Variants in KCNH7 observed in about 807,000 individuals in gnomAD.
KCNH7 encodes voltage-gated inwardly rectifying potassium channel KCNH7.
KCNH7 carries 49 observed loss-of-function variants against 120.8 expected under a neutral mutation model. That is an observed-to-expected ratio of 0.41 (90% confidence interval 0.32 to 0.51). The LOEUF is 0.51. KCNH7 is among the 20% of genes least tolerant of loss of function. The pLI, the probability that KCNH7 is intolerant of heterozygous loss-of-function variation, is 0.38. For missense variants in KCNH7, 1,097 were observed against 1,446.6 expected (o/e 0.76, Z 3.92); for synonymous variants, 547 against 516.1 (o/e 1.06, Z -0.81).
intron 9 of KCNH7, among the ~76,000 whole-genome samples, chr2:162,417,688 C>A (rs1351364020): frequency 6.6e-6 from 1 of 152,120 alleles, no homozygotes; most frequent in Non-Finnish European, 1.5e-5. Flanking sequence ...TCAGATCCTA[C>A]CACTGAAGAA....
At chr2:162,544,535 G>T (rs1040151356) in intron 2 of KCNH7, among the ~76,000 whole-genome samples, 1 of 152,068 alleles carries the variant, frequency 6.6e-6, no homozygotes, top group Non-Finnish European at 1.5e-5. Flanking sequence ...GGGACACTTT[G>T]TGCCCTTTCT....
chr2:162,650,892 G>A (rs1287429244), intron 2 of KCNH7, among the ~76,000 whole-genome samples: 4 of 152,172 alleles, frequency 2.6e-5, no homozygotes, highest in Non-Finnish European at 5.9e-5. Context: ...GGCTCTGTCA[G>A]CAGGTAGGTA....
At chr2:162,737,298 A>G (rs1287901470) in intron 2 of KCNH7, among the ~76,000 whole-genome samples, 1 of 152,004 alleles carries the variant, frequency 6.6e-6, no homozygotes, top group African/African-American at 2.4e-5. Context: ...TTCAGAGAGG[A>G]CCCTGTTCAT....
chr2:162,391,247 G>A lies in KCNH7; in HGVS notation c.2710+3142C>T, dbSNP rs530358246. ...ATTTCAGTTTCTGTATCCACAAATCGTTTAGCATGAATGATCCCCTGAAAG... is the reference window on the plus strand; with the variant it reads ...ATTTCAGTTTCTGTATCCACAAATCATTTAGCATGAATGATCCCCTGAAAG... On this transcript the variant is annotated intron_variant, in intron 12 of 15. Coordinates refer to ENST00000332142, the MANE Select transcript of KCNH7 (RefSeq NM_033272.4). 2.6e-3 allele frequency among the ~76,000 whole-genome samples: 403 copies of A among 152,136 alleles called. 1 individual carries two copies. The highest frequency in any genetic ancestry group is 5.6e-3 in the South Asian group (27 of 4,828).
chr2:162,801,019 C>T (rs1198305637), intron 2 of KCNH7, among the ~76,000 whole-genome samples: 1 of 151,750 alleles, frequency 6.6e-6, no homozygotes, highest in Non-Finnish European at 1.5e-5. Flanking sequence ...ATTTATTTCA[C>T]ATTTTACATA....
chr2:162,767,548 A>AG, intron 2 of KCNH7, among the ~76,000 whole-genome samples: 1 of 152,284 alleles, frequency 6.6e-6, no homozygotes, highest in Non-Finnish European at 1.5e-5. Context: ...GGAATTAATT[A>AG]TGATGTAAAT....
chr2:162,455,515 C>T (rs915733441), intron 6 of KCNH7, among the ~76,000 whole-genome samples: 1 of 152,146 alleles, frequency 6.6e-6, no homozygotes, highest in Non-Finnish European at 1.5e-5. Context: ...AGGAATAGTA[C>T]CAGCTCCTCT....
Position 162,379,955 on chromosome 2 carries a change from G to C in KCNH7, c.3029C>G (p.Ser1010Cys), listed in dbSNP as rs1438445938. Reference sequence around the variant, plus strand: ...ACCCCAGGCAGCTCGCTGAAGTGCAGATGGACTGGAGTCTTCAGGCTGGGG... The same window carrying C: ...ACCCCAGGCAGCTCGCTGAAGTGCACATGGACTGGAGTCTTCAGGCTGGGG... ...AHPQPEDSSP[S>C]ALQRAAWGIS... The change falls in exon 14 of 16, where the codon TCT becomes TGT. Residue 1010 changes from serine (S) to cysteine (C), a missense_variant. By Grantham distance (112) the Ser-to-Cys change is moderately radical (BLOSUM62 -1). Around this residue, in one of 8 missense-constraint regions of KCNH7, gnomAD observed 406 missense variants for 410.5 expected, o/e 0.99. Transcript: ENST00000332142. The C allele has an allele frequency of 1.2e-5, 20 of 1,614,060 alleles. No individual in the cohort carries two copies. The East Asian group carries it at 4.5e-4, about 36-fold the overall frequency.
chr2:162,727,352 T>C, intron 2 of KCNH7, among the ~76,000 whole-genome samples: 2 of 152,300 alleles, frequency 1.3e-5, no homozygotes, highest in Middle Eastern at 6.8e-3. Flanking sequence ...TAAATTCATG[T>C]TAATAAAATA....
intron 6 of KCNH7, among the ~76,000 whole-genome samples, chr2:162,450,006 A>G (rs924841317): frequency 7.9e-5 from 12 of 152,098 alleles, no homozygotes; most frequent in Non-Finnish European, 1.8e-4. Flanking sequence ...TAATAGATAC[A>G]ACATTTTTCT....
chr2:162,418,953 A>T (rs1687619643), intron 9 of KCNH7, among the ~76,000 whole-genome samples: 1 of 151,984 alleles, frequency 6.6e-6, no homozygotes, highest in South Asian at 2.1e-4. Flanking sequence ...TTTTTAGCTT[A>T]TTAAGCTAAC....
At chr2:162,666,317 T>C (rs968894639) in intron 2 of KCNH7, among the ~76,000 whole-genome samples, 1 of 152,108 alleles carries the variant, frequency 6.6e-6, no homozygotes, top group Non-Finnish European at 1.5e-5. Context: ...ATTATCATCT[T>C]CCAAATATTC....
intron 2 of KCNH7, among the ~76,000 whole-genome samples, chr2:162,703,584 CAT>C (rs752058643): frequency 7.9e-5 from 12 of 152,256 alleles, no homozygotes; most frequent in South Asian, 6.2e-4. Flanking sequence ...TCAAATGACA[CAT>C]GTGCTTAAAC....
At chr2:162,588,396 A>G (rs1694091502) in intron 2 of KCNH7, among the ~76,000 whole-genome samples, 1 of 152,114 alleles carries the variant, frequency 6.6e-6, no homozygotes, top group African/African-American at 2.4e-5. Flanking sequence ...ATTTTTTACT[A>G]TTAACTGATT....
intron 2 of KCNH7, among the ~76,000 whole-genome samples, chr2:162,835,672 A>G (rs1168936800): frequency 6.6e-6 from 1 of 152,028 alleles, no homozygotes; most frequent in Non-Finnish European, 1.5e-5. Flanking sequence ...ATCTATATAT[A>G]CACCTTAAAA....
intron 2 of KCNH7, among the ~76,000 whole-genome samples, chr2:162,752,908 G>A (rs143284179): frequency 0.1 from 3,486 of 33,240 alleles, 10 homozygotes; most frequent in Non-Finnish European, 0.14. Context: ...CTCAGAAAAA[G>A]AAAAGAAAAG....
chr2:162,821,150 C>G lies in KCNH7; in HGVS notation c.307+15387G>C, dbSNP rs114522137. ...GTTCTACACATACCCTATCCACACC[C>G]ACACTTTAACAGATTCCAAGATAAA... On this transcript the variant is annotated intron_variant, in intron 2 of 15. Transcript: ENST00000332142. 7.2e-3 allele frequency among the ~76,000 whole-genome samples: 1,096 copies of G among 152,328 alleles called. 2 individuals are homozygous for G. Among genetic ancestry groups the G allele is most frequent in the Non-Finnish European group, 0.011 (774 of 68,028 alleles).
rs536668965 is a variant in KCNH7 at position 162,405,572 on chromosome 2, C to T, written c.2155-5131G>A. Among the ~76,000 whole-genome samples, 5 of 151,984 alleles carry T rather than the reference C, an allele frequency of 3.3e-5. No homozygotes were observed. The South Asian group carries it at 1.0e-3, about 32-fold the overall frequency. ...ATATGTGCTGACATGCACTTAATGGCATACAATTATAATATTGTTAATATT... is the reference window on the plus strand; with the variant it reads ...ATATGTGCTGACATGCACTTAATGGTATACAATTATAATATTGTTAATATT... On this transcript the variant is annotated intron_variant, in intron 9 of 15. Transcript: ENST00000332142.
At chr2:162,549,706 T>C (rs1262875920) in intron 2 of KCNH7, among the ~76,000 whole-genome samples, 2 of 152,218 alleles carry the variant, frequency 1.3e-5, no homozygotes, top group Non-Finnish European at 2.9e-5. Flanking sequence ...TGTATTACAT[T>C]TGAAAAGAAA....
Sources: allele counts gnomAD v4.1 joint callset (sites outside exome capture counted in the v4.1 genomes callset), GRCh38; gene constraint gnomAD v4.1.1; regional missense constraint gnomAD v4.1.1; transcripts MANE v1.5; gene names NCBI Gene and HGNC (gene_info 2026-07-23, HGNC 2026-07-21).